The following TF variants were observed in gnomAD, a reference collection of about 807,000 sequenced individuals.
TF encodes the protein transferrin.
Under a neutral mutation model 82.4 loss-of-function variants are expected in TF, and 55 were observed. The ratio of observed to expected loss-of-function variants is 0.67; its 90% confidence interval spans 0.54 to 0.84. TF has a LOEUF of 0.84. Ranked by LOEUF, TF falls within the 40% of genes least tolerant of loss-of-function variation. The pLI, the probability that TF is intolerant of heterozygous loss-of-function variation, is 0.00. For synonymous variants in TF, 332 were observed against 332.6 expected, an observed-to-expected ratio of 1.00 and a Z score of 0.02; for missense variants, 737 against 868.4, an observed-to-expected ratio of 0.85 and a Z score of 1.90.
rs1934909878 is a variant in TF, at chr3:133,794,130, T to A, written c.*15510T>A. On this transcript the variant is annotated 3_prime_UTR_variant, in exon 17 of 17. Transcript: ENST00000402696. Reference sequence around the variant, plus strand: ...TATTCAAGAGGATATGAGTCTAATGTTAATTAAGCATGAACTCATGGAGAA... The same window carrying A: ...TATTCAAGAGGATATGAGTCTAATGATAATTAAGCATGAACTCATGGAGAA... 6.6e-6 allele frequency: 1 copy of A among 152,184 alleles called. No individual in the cohort carries two copies. Among genetic ancestry groups the A allele is most frequent in the Non-Finnish European group, 1.5e-5 (1 of 68,030 alleles). 9.4% of individuals were successfully genotyped at this position (152,184 alleles called of 1,614,324 possible).
At chr3:133,773,678 A>G (rs1934314285) in intron 14 of TF, 1 of 152,162 alleles carries the variant, frequency 6.6e-6, no homozygotes, top group Non-Finnish European at 1.5e-5. Flanking sequence ...TTATTGAAAA[A>G]GCATATTTTT....
At chr3:133,728,329 A>G in the TF span, among the ~76,000 whole-genome samples, 1 of 152,064 alleles carries the variant, frequency 6.6e-6, no homozygotes, top group Non-Finnish European at 1.5e-5. Flanking sequence ...ATAGTCCCAT[A>G]TTTCTTGGAG....
the TF span, among the ~76,000 whole-genome samples, chr3:133,678,369 T>C: frequency 1.3e-5 from 2 of 152,372 alleles, no homozygotes; most frequent in African/African-American, 4.8e-5. Context: ...CCTTTGGGTA[T>C]ATACCCAGTA....
At chr3:133,732,868 G>C in the TF span, among the ~76,000 whole-genome samples, 1 of 152,208 alleles carries the variant, frequency 6.6e-6, no homozygotes, top group Non-Finnish European at 1.5e-5. Flanking sequence ...GGCACTGAGA[G>C]CTTGGGTGAC....
rs530174128 is a variant in TF, at chr3:133,788,705, C to T, written c.*10085C>T. 8 of 152,272 alleles carry T rather than the reference C, an allele frequency of 5.3e-5. No homozygotes were observed. The highest frequency in any genetic ancestry group is 2.1e-4 in the South Asian group (1 of 4,796). 9.4% of individuals were successfully genotyped at this position (152,272 alleles called of 1,614,324 possible). A position where few individuals can be genotyped will look rare whatever the true frequency, so the allele number is the denominator to read the frequency against. On this transcript the variant is annotated 3_prime_UTR_variant, in exon 17 of 17. Coordinates refer to ENST00000402696, the MANE Select transcript of TF (RefSeq NM_001063.4). ...GGCAGCGCCTAAACACGGAGGCAAC[C>T]GCAGGTTTCTGGGTGGGGCCATCCT... is the stretch of plus-strand genomic sequence containing the variant.
At chr3:133,703,978 C>T in the TF span, among the ~76,000 whole-genome samples, 1 of 152,154 alleles carries the variant, frequency 6.6e-6, no homozygotes, top group Non-Finnish European at 1.5e-5. Context: ...CAGGACGCAG[C>T]ATGGGTCTCA....
chr3:133,723,886 A>G, the TF span, among the ~76,000 whole-genome samples: 2 of 151,222 alleles, frequency 1.3e-5, no homozygotes, highest in Non-Finnish European at 2.9e-5. Context: ...ATTCCCATCT[A>G]TGAGTGAGAA....
At chr3:133,743,936 C>A (rs1288031697), upstream of TF, among the ~76,000 whole-genome samples, 1 of 152,218 alleles carries the variant, frequency 6.6e-6, no homozygotes, top group Non-Finnish European at 1.5e-5. Context: ...CAAGGAATGG[C>A]AAGCACGAAG....
the TF span, among the ~76,000 whole-genome samples, chr3:133,686,802 A>T: frequency 6.9e-6 from 1 of 144,778 alleles, no homozygotes; most frequent in Non-Finnish European, 1.5e-5. Context: ...CCTCAAGGAT[A>T]TAGAACTAGA....
chr3:133,749,748 G>A (rs553273157), intron 2 of TF, among the ~76,000 whole-genome samples: 2 of 152,326 alleles, frequency 1.3e-5, no homozygotes, highest in East Asian at 3.9e-4. Context: ...TCAAAGATAA[G>A]CACAGCCAGA....
chr3:133,750,246 G>A (rs539528737), intron 2 of TF, among the ~76,000 whole-genome samples: 5 of 152,148 alleles, frequency 3.3e-5, no homozygotes, highest in Non-Finnish European at 7.3e-5. Flanking sequence ...ACTTTAAGGG[G>A]AACCGGGCCA....
intron 1 of TF, among the ~76,000 whole-genome samples, chr3:133,747,493 C>T (rs889101322): frequency 2.0e-5 from 3 of 152,352 alleles, no homozygotes; most frequent in East Asian, 3.9e-4. Flanking sequence ...TGTGGATCTT[C>T]TTCAGAGCCA....
rs1934927508 is a variant in TF at position 133,794,846 on chromosome 3, T to C, written c.*16226T>C. On this transcript the variant is annotated 3_prime_UTR_variant, in exon 17 of 17. Transcript: ENST00000402696. ...CTCTTATCTTTGAATATTTTTTCCTTGCTTTTGCCTCTATGAAGAATAGAA... is the reference window on the plus strand; with the variant it reads ...CTCTTATCTTTGAATATTTTTTCCTCGCTTTTGCCTCTATGAAGAATAGAA... 6.6e-6 allele frequency: 1 copy of C among 152,204 alleles called. No homozygotes were observed. Among genetic ancestry groups the C allele is most frequent in the Non-Finnish European group, 1.5e-5 (1 of 68,038 alleles). The allele number at this position is 152,204 out of a possible 1,614,324, so 9.4% of individuals were successfully genotyped here.
chr3:133,686,127 C>T, the TF span, among the ~76,000 whole-genome samples: 10 of 152,024 alleles, frequency 6.6e-5, no homozygotes, highest in African/African-American at 2.2e-4. Flanking sequence ...AATGGTGCTG[C>T]GAAAACTGGG....
At position 133,782,502 on chromosome 3, in the gene TF, T is replaced by C. The variant is rs951948167; in HGVS notation, c.*3882T>C. On this transcript the variant is annotated 3_prime_UTR_variant, in exon 17 of 17. Transcript: ENST00000402696. ...CCATTTGCCACAACATGGATGAAAC[T>C]GGAGGATATTAAGTGAAATAAGGCA... 5 of 151,732 alleles carry C rather than the reference T, an allele frequency of 3.3e-5. No individual in the cohort carries two copies. The highest frequency in any genetic ancestry group is 7.4e-5 in the Non-Finnish European group (5 of 67,936). The allele number at this position is 151,732 out of a possible 1,614,324, so 9.4% of individuals were successfully genotyped here.
chr3:133,736,965 G>A, the TF span, among the ~76,000 whole-genome samples: 22 of 152,144 alleles, frequency 1.4e-4, no homozygotes, highest in African/African-American at 3.4e-4. Flanking sequence ...TGGACCAAGC[G>A]GACCTAATAG....
chr3:133,711,054 C>T, the TF span, among the ~76,000 whole-genome samples: 1 of 152,192 alleles, frequency 6.6e-6, no homozygotes, highest in African/African-American at 2.4e-5. Flanking sequence ...AAAATAATAT[C>T]TCCTGGCTTT....
At chr3:133,736,623 T>A in the TF span, among the ~76,000 whole-genome samples, 5 of 14,968 alleles carry the variant, frequency 3.3e-4, no homozygotes, top group African/African-American at 6.5e-4. Context: ...ACCAAGCAAA[T>A]GGAAAGCCAA....
At chr3:133,672,982 A>T in the TF span, among the ~76,000 whole-genome samples, 1 of 152,222 alleles carries the variant, frequency 6.6e-6, no homozygotes, top group African/African-American at 2.4e-5. Context: ...GTTCCTTAAT[A>T]TGGTTAATAA....
Sources: gnomAD v4.1 joint callset for allele counts (sites outside exome capture counted in the v4.1 genomes callset) on GRCh38, gnomAD v4.1.1 for gene constraint, MANE v1.5 for transcripts, NCBI Gene and HGNC (gene_info 2026-07-23, HGNC 2026-07-21) for gene names.